Variants in GRIA4 observed in about 807,000 individuals in gnomAD.
GRIA4 encodes glutamate ionotropic receptor AMPA type subunit 4.
In GRIA4, 34 loss-of-function variants were observed where a neutral mutation model predicts 104.0. That is an observed-to-expected ratio of 0.33 (90% CI 0.25 to 0.44). The LOEUF is 0.44. GRIA4 is among the 20% of genes least tolerant of loss of function. GRIA4 has a pLI of 1.00. For synonymous variants in GRIA4, 386 were observed against 381.9 expected, an observed-to-expected ratio of 1.01 and a Z score of -0.13; for missense variants, 750 against 1,096.5, an observed-to-expected ratio of 0.68 and a Z score of 4.46.
chr11:105,981,590 C>CACACACACACAA lies in GRIA4; in HGVS notation c.*1852_*1853insCACACACACAAA, dbSNP rs918907443. The stretch of plus-strand genomic sequence containing the variant: ...ACACACACACACACACACACACACA[C>CACACACACACAA]AAGTCCCTCAGGAAAAATTCCAAGC... On this transcript the variant is annotated 3_prime_UTR_variant, in exon 17 of 17. Coordinates refer to ENST00000282499, the MANE Select transcript of GRIA4 (RefSeq NM_000829.4). 1 of 153,782 alleles carries CACACACACACAA rather than the reference C, an allele frequency of 6.5e-6. No homozygotes were observed. Among genetic ancestry groups the CACACACACACAA allele is most frequent in the Non-Finnish European group, 1.4e-5 (1 of 70,000 alleles). 9.5% of individuals were successfully genotyped at this position (153,782 alleles called of 1,614,324 possible). A position where few individuals can be genotyped will look rare whatever the true frequency, so the allele number is the denominator to read the frequency against.
chr11:105,726,931 A>G (rs1388170422), intron 3 of GRIA4, among the ~76,000 whole-genome samples: 1 of 152,082 alleles, frequency 6.6e-6, no homozygotes, highest in Non-Finnish European at 1.5e-5. Flanking sequence ...ATGAGGAAAA[A>G]CCATTGCAAA....
intron 3 of GRIA4, among the ~76,000 whole-genome samples, chr11:105,720,683 C>T (rs528048067): frequency 2.4e-4 from 37 of 152,120 alleles, no homozygotes; most frequent in Non-Finnish European, 4.7e-4. Flanking sequence ...CATTAATACA[C>T]GTCTTGCTTC....
chr11:105,794,473 GTATATATATATATATATATA>G (rs71041629), intron 4 of GRIA4, among the ~76,000 whole-genome samples: 14 of 43,882 alleles, frequency 3.2e-4, no homozygotes, highest in South Asian at 8.0e-4. Flanking sequence ...GTATATGTAT[GTATATATATATATATATATA>G]TATATATATA....
rs1947951971 is a variant in GRIA4, at chr11:105,933,735, C to T, written c.2060C>T (p.Ala687Val). Residue 687 changes from alanine (A) to valine (V), a missense_variant, in exon 14 of 17, where the codon GCA becomes GTA. This residue lies in a region of GRIA4 where 272 missense variants were observed against 524.5 expected (regional missense o/e 0.52). Transcript: ENST00000282499. ...TKEFFRRSKI[A>V]VYEKMWTYMR... ...AATTTCCTCCAGAGATCAAAAATAG[C>T]AGTGTATGAAAAGATGTGGACCTAC... The T allele has an allele frequency of 6.3e-7, 1 of 1,588,236 alleles. No individual in the cohort carries two copies. The highest frequency in any genetic ancestry group is 8.6e-7 in the Non-Finnish European group (1 of 1,163,602).
chr11:105,634,569 G>T (rs963895713), intron 3 of GRIA4, among the ~76,000 whole-genome samples: 1 of 151,982 alleles, frequency 6.6e-6, no homozygotes, highest in Non-Finnish European at 1.5e-5. Flanking sequence ...CTTCTAAAGT[G>T]CTTAACATAG....
chr11:105,848,394 T>A (rs1565285080), intron 4 of GRIA4, among the ~76,000 whole-genome samples: 1 of 152,204 alleles, frequency 6.6e-6, no homozygotes, highest in Non-Finnish European at 1.5e-5. Context: ...TGGCACAACA[T>A]TAAAATATAG....
intron 3 of GRIA4, among the ~76,000 whole-genome samples, chr11:105,673,965 C>T (rs1250536902): frequency 6.6e-6 from 1 of 151,708 alleles, no homozygotes; most frequent in Non-Finnish European, 1.5e-5. Flanking sequence ...TAATGTGTTC[C>T]TGGGTATTTT....
rs557550345 is a variant in GRIA4 at position 105,814,028 on chromosome 11, C to A, written c.488-47996C>A. ...TAGCAACAACAAAAAAAGGCAAAAA[C>A]CTTCCAGGGGATGAAACAGCAAGTG... is the stretch of plus-strand genomic sequence containing the variant. On this transcript the variant is annotated intron_variant, in intron 4 of 16. Coordinates refer to ENST00000282499, the MANE Select transcript of GRIA4 (RefSeq NM_000829.4). 5.9e-5 allele frequency among the ~76,000 whole-genome samples: 9 copies of A among 152,216 alleles called. No homozygotes were observed. The South Asian group carries it at 1.9e-3, about 32-fold the overall frequency.
intron 4 of GRIA4, among the ~76,000 whole-genome samples, chr11:105,771,486 C>T (rs970711954): frequency 1.1e-4 from 17 of 152,184 alleles, no homozygotes; most frequent in African/African-American, 3.6e-4. Context: ...TCCCAAATCC[C>T]TGTCTCTATA....
At chr11:105,949,059 T>C (rs1948401001) in intron 14 of GRIA4, among the ~76,000 whole-genome samples, 1 of 152,188 alleles carries the variant, frequency 6.6e-6, no homozygotes, top group South Asian at 2.1e-4. Flanking sequence ...TAGTGTTCTT[T>C]CCTTGTCTGG....
intron 4 of GRIA4, among the ~76,000 whole-genome samples, chr11:105,803,299 G>C (rs559572569): frequency 1.3e-5 from 2 of 151,926 alleles, no homozygotes; most frequent in Non-Finnish European, 2.9e-5. Context: ...TTCCATGTTA[G>C]AGAGAAGAAG....
chr11:105,766,430 T>TTTTTG (rs1696273525), intron 4 of GRIA4, among the ~76,000 whole-genome samples: 1 of 152,200 alleles, frequency 6.6e-6, no homozygotes, highest in East Asian at 1.9e-4. Flanking sequence ...CAAGTCATAA[T>TTTTTG]TTTTGTTTTG....
chr11:105,623,566 G>C (rs999947034), intron 3 of GRIA4, among the ~76,000 whole-genome samples: 1 of 151,740 alleles, frequency 6.6e-6, no homozygotes, highest in Non-Finnish European at 1.5e-5. Context: ...GTCTTCTTTC[G>C]TCTATGCCCT....
At chr11:105,914,805 G>C (rs1369062970) in intron 10 of GRIA4, among the ~76,000 whole-genome samples, 5 of 152,126 alleles carry the variant, frequency 3.3e-5, no homozygotes, top group Non-Finnish European at 5.9e-5. Flanking sequence ...CTATCCTTCT[G>C]ATCATTCCAT....
chr11:105,911,803 T>TCGG lies in GRIA4; in HGVS notation c.1269+1258_1269+1259insCGG. The TCGG allele has an allele frequency of 7.7e-6, 2 of 258,334 alleles. 1 individual carries two copies. Among genetic ancestry groups the TCGG allele is most frequent in the East Asian group, 1.8e-4 (2 of 11,324 alleles). The allele number at this position is 258,334 out of a possible 1,614,324, so 16.0% of individuals were successfully genotyped here. A position where few individuals can be genotyped will look rare whatever the true frequency, so the allele number is the denominator to read the frequency against. Reference sequence around the variant, plus strand: ...ATATATATATATATATATATATATATATATATGTTTCTTTTCCTAAAAAAG... The same window carrying TCGG: ...ATATATATATATATATATATATATATCGGATATATGTTTCTTTTCCTAAAAAAG... On this transcript the variant is annotated intron_variant, in intron 10 of 16. Coordinates refer to ENST00000282499, the MANE Select transcript of GRIA4 (RefSeq NM_000829.4).
At chr11:105,658,885 T>C (rs1287926023) in intron 3 of GRIA4, among the ~76,000 whole-genome samples, 1 of 151,974 alleles carries the variant, frequency 6.6e-6, no homozygotes, top group Non-Finnish European at 1.5e-5. Flanking sequence ...AATTAAACTC[T>C]ACATTTCCAA....
At chr11:105,944,422 G>T (rs1948255693) in intron 14 of GRIA4, among the ~76,000 whole-genome samples, 1 of 151,946 alleles carries the variant, frequency 6.6e-6, no homozygotes, top group African/African-American at 2.4e-5. Flanking sequence ...TCAATCAATT[G>T]TCTGGTATTT....
chr11:105,734,704 G>A (rs1358607311), intron 3 of GRIA4, among the ~76,000 whole-genome samples: 1 of 152,032 alleles, frequency 6.6e-6, no homozygotes, highest in Non-Finnish European at 1.5e-5. Flanking sequence ...CTTCTTTATA[G>A]CACTTTGCAA....
intron 5 of GRIA4, among the ~76,000 whole-genome samples, chr11:105,871,321 GA>G: frequency 6.6e-6 from 1 of 151,992 alleles, no homozygotes. Context: ...TAGTCAATAT[GA>G]ATAATAGCCT....
Sources: gnomAD v4.1 joint callset for allele counts (sites outside exome capture counted in the v4.1 genomes callset) on GRCh38, gnomAD v4.1.1 for gene constraint, gnomAD v4.1.1 regional missense constraint, MANE v1.5 for transcripts, NCBI Gene and HGNC (gene_info 2026-07-23, HGNC 2026-07-21) for gene names.